Variants in ADAMTS19 observed in about 807,000 individuals in gnomAD.
ADAMTS19 encodes ADAM metallopeptidase with thrombospondin type 1 motif 19, also known as A disintegrin and metalloproteinase with thrombospondin motifs 19.
Under a neutral mutation model 153.3 loss-of-function variants are expected in ADAMTS19, and 93 were observed. The observed-to-expected ratio is 0.61, with a 90% CI of 0.51 to 0.72. The LOEUF is 0.72. Among genes scored for constraint, ADAMTS19 ranks in the 30% least tolerant of loss-of-function variants. ADAMTS19 has a pLI of 0.00. For synonymous variants in ADAMTS19, 600 were observed against 556.6 expected, an observed-to-expected ratio of 1.08 and a Z score of -1.10; for missense variants, 1,482 against 1,552.1, an observed-to-expected ratio of 0.95 and a Z score of 0.76.
intron 7 of ADAMTS19, among the ~76,000 whole-genome samples, chr5:129,556,391 T>C (rs1753312344): frequency 1.3e-5 from 2 of 152,170 alleles, no homozygotes; most frequent in Admixed American, 1.3e-4. Context: ...TCAAGGGAAA[T>C]AAAGTATATT....
At chr5:129,610,775 C>T (rs1751169948) in intron 8 of ADAMTS19, among the ~76,000 whole-genome samples, 1 of 152,112 alleles carries the variant, frequency 6.6e-6, no homozygotes, top group Admixed American at 6.6e-5. Flanking sequence ...TTTATAGCAG[C>T]ATGATTTATA....
At chr5:129,504,255 G>C (rs1045986755) in intron 2 of ADAMTS19, among the ~76,000 whole-genome samples, 2 of 152,020 alleles carry the variant, frequency 1.3e-5, no homozygotes, top group African/African-American at 4.8e-5. Context: ...AAATCCTGCT[G>C]TCTCTCAGGA....
At chr5:129,644,644 A>G (rs1231219435) in intron 11 of ADAMTS19, among the ~76,000 whole-genome samples, 1 of 152,086 alleles carries the variant, frequency 6.6e-6, no homozygotes, top group Non-Finnish European at 1.5e-5. Flanking sequence ...ATATTTTTCA[A>G]TTTACAATAC....
At position 129,516,976 on chromosome 5, in the gene ADAMTS19, G is replaced by A. The variant is rs555794890; in HGVS notation, c.913+7734G>A. 9.8e-4 allele frequency among the ~76,000 whole-genome samples: 132 copies of A among 134,480 alleles called. 1 individual carries two copies. The highest frequency in any genetic ancestry group is 4.1e-3 in the Middle Eastern group (1 of 242). The allele number at this position is 134,480 out of a possible 152,430, so 88.2% of individuals were successfully genotyped here. ...AATCCCAAAGGTTTTGGTATGCTTT[G>A]TTTCCATTATCTTTGTTTCAAGAAA... On this transcript the variant is annotated intron_variant, in intron 3 of 22. Coordinates refer to ENST00000274487, the MANE Select transcript of ADAMTS19 (RefSeq NM_133638.6).
At chr5:129,637,969 G>C (rs1752608016) in intron 10 of ADAMTS19, among the ~76,000 whole-genome samples, 1 of 152,126 alleles carries the variant, frequency 6.6e-6, no homozygotes, top group South Asian at 2.1e-4. Flanking sequence ...CTACTTGAAT[G>C]GGGAGGGTGG....
At chr5:129,642,593 A>T (rs193232604) in intron 11 of ADAMTS19, among the ~76,000 whole-genome samples, 407 of 152,340 alleles carry the variant, frequency 2.7e-3, no homozygotes, top group African/African-American at 9.3e-3. Flanking sequence ...TAATCAAAAG[A>T]TAACAGATCA....
chr5:129,549,530 C>T (rs1006151635), intron 6 of ADAMTS19, among the ~76,000 whole-genome samples: 2 of 151,566 alleles, frequency 1.3e-5, no homozygotes, highest in Middle Eastern at 3.5e-3. Context: ...AGACCGAGTA[C>T]TTAATAAACA....
chr5:129,550,732 T>G (rs1002397521), intron 6 of ADAMTS19, among the ~76,000 whole-genome samples: 1 of 151,548 alleles, frequency 6.6e-6, no homozygotes, highest in Non-Finnish European at 1.5e-5. Flanking sequence ...ATCATTTAGA[T>G]ACAGCTTTCA....
intron 7 of ADAMTS19, among the ~76,000 whole-genome samples, chr5:129,554,912 T>C (rs961598403): frequency 6.6e-6 from 1 of 152,150 alleles, no homozygotes; most frequent in African/African-American, 2.4e-5. Context: ...TCAATCATCT[T>C]AACAGCTATC....
intron 6 of ADAMTS19, among the ~76,000 whole-genome samples, chr5:129,536,498 G>A (rs1436163667): frequency 6.6e-6 from 1 of 152,216 alleles, no homozygotes; most frequent in Non-Finnish European, 1.5e-5. Flanking sequence ...GTGGAAGTCA[G>A]TGTGGCGATT....
intron 16 of ADAMTS19, among the ~76,000 whole-genome samples, chr5:129,671,149 G>A (rs961846967): frequency 1.3e-5 from 2 of 152,168 alleles, no homozygotes; most frequent in Non-Finnish European, 2.9e-5. Flanking sequence ...CAGAGGAAGG[G>A]TGCCTTGGAG....
chr5:129,578,085 T>C (rs62399004), intron 7 of ADAMTS19, among the ~76,000 whole-genome samples: 184 of 35,794 alleles, frequency 5.1e-3, no homozygotes, highest in Non-Finnish European at 0.015. Flanking sequence ...CACACATATA[T>C]ACATATACAT....
rs1750064050 is a variant in ADAMTS19, at chr5:129,471,450, A to AAG, written c.747+9693_747+9694insAG. On this transcript the variant is annotated intron_variant, in intron 2 of 22. Coordinates refer to ENST00000274487, the MANE Select transcript of ADAMTS19 (RefSeq NM_133638.6). ...AAAGAAAGGAAGGAAAGAAAGAAAA[A>AAG]GAAGGAAGGAAGGAAGGAAGGAAGG... 4.3e-4 allele frequency among the ~76,000 whole-genome samples: 63 copies of AAG among 146,634 alleles called. No homozygotes were observed. In the South Asian group the frequency reaches 0.013, roughly 31 times the overall value.
intron 3 of ADAMTS19, among the ~76,000 whole-genome samples, chr5:129,513,714 T>A (rs1016452420): frequency 2.6e-5 from 4 of 152,070 alleles, no homozygotes; most frequent in African/African-American, 9.7e-5. Context: ...CATATAGGCA[T>A]GCATTGTGAA....
intron 6 of ADAMTS19, among the ~76,000 whole-genome samples, chr5:129,543,043 G>GT (rs1255605166): frequency 1.7e-3 from 251 of 145,624 alleles, no homozygotes; most frequent in Middle Eastern, 3.5e-3. Context: ...TGTTGTTGTT[G>GT]TTTTGTTTTT....
chr5:129,651,990 C>T (rs183120768), intron 13 of ADAMTS19, among the ~76,000 whole-genome samples: 23 of 151,888 alleles, frequency 1.5e-4, no homozygotes, highest in African/African-American at 4.6e-4. Flanking sequence ...CATTTACTTA[C>T]GTGTGAAATA....
chr5:129,611,590 G>C (rs564134878), intron 8 of ADAMTS19, among the ~76,000 whole-genome samples: 2 of 152,146 alleles, frequency 1.3e-5, no homozygotes, highest in East Asian at 1.9e-4. Flanking sequence ...TCAAAGATCA[G>C]ATGGTTGTAG....
intron 14 of ADAMTS19, among the ~76,000 whole-genome samples, chr5:129,656,579 C>T (rs1013195529): frequency 6.6e-6 from 1 of 152,232 alleles, no homozygotes; most frequent in Non-Finnish European, 1.5e-5. Context: ...AGTGGTACCT[C>T]AGGTACTTGC....
chr5:129,493,724 T>C (rs1277793598), intron 2 of ADAMTS19, among the ~76,000 whole-genome samples: 1 of 152,178 alleles, frequency 6.6e-6, no homozygotes, highest in Non-Finnish European at 1.5e-5. Flanking sequence ...AAATAATTTA[T>C]GAATAGTTAT....
Sources: allele counts gnomAD v4.1 joint callset (sites outside exome capture counted in the v4.1 genomes callset), GRCh38; gene constraint gnomAD v4.1.1; transcripts MANE v1.5; gene names NCBI Gene and HGNC (gene_info 2026-07-23, HGNC 2026-07-21).